The following MACROD2 variants were observed in gnomAD, a reference collection of about 807,000 sequenced individuals.
The protein encoded by MACROD2 is mono-ADP ribosylhydrolase 2.
In MACROD2, 36 loss-of-function variants were observed where a neutral mutation model predicts 70.4. The ratio of observed to expected loss-of-function variants is 0.51; its 90% confidence interval spans 0.39 to 0.68. The LOEUF is 0.68. Ranked by LOEUF, MACROD2 falls within the 30% of genes least tolerant of loss-of-function variation. The pLI, the probability that MACROD2 is intolerant of heterozygous loss-of-function variation, is 0.00. For missense variants in MACROD2, 496 were observed against 538.4 expected, an observed-to-expected ratio of 0.92 and a Z score of 0.78; for synonymous variants, 172 against 178.8, an observed-to-expected ratio of 0.96 and a Z score of 0.30.
chr20:15,790,262 T>C (rs965167309), intron 8 of MACROD2, among the ~76,000 whole-genome samples: 41 of 152,058 alleles, frequency 2.7e-4, no homozygotes, highest in African/African-American at 9.1e-4. Context: ...GAATATGTAT[T>C]TTTCAAATAA....
chr20:14,465,586 C>G (rs2084435296), intron 3 of MACROD2, among the ~76,000 whole-genome samples: 1 of 151,982 alleles, frequency 6.6e-6, no homozygotes, highest in African/African-American at 2.4e-5. Context: ...ATGATGTTAG[C>G]TGGTTATTTT....
intron 5 of MACROD2, among the ~76,000 whole-genome samples, chr20:14,868,960 G>A (rs1236676818): frequency 6.6e-6 from 1 of 152,066 alleles, no homozygotes; most frequent in Non-Finnish European, 1.5e-5. Context: ...GTAAGCCGGA[G>A]GGCACAGTGC....
chr20:14,425,839 A>C (rs1052394147), intron 3 of MACROD2, among the ~76,000 whole-genome samples: 3 of 152,120 alleles, frequency 2.0e-5, no homozygotes, highest in Non-Finnish European at 2.9e-5. Context: ...GGTGACACTC[A>C]TCCCTCTGTA....
chr20:14,577,441 A>G (rs1262126745), intron 4 of MACROD2, among the ~76,000 whole-genome samples: 1 of 152,142 alleles, frequency 6.6e-6, no homozygotes, highest in Non-Finnish European at 1.5e-5. Flanking sequence ...CTTTTCATCT[A>G]AGCTTTATAA....
intron 5 of MACROD2, among the ~76,000 whole-genome samples, chr20:15,076,967 A>G (rs1177584521): frequency 6.6e-6 from 1 of 152,184 alleles, no homozygotes. Flanking sequence ...TTACTTCATA[A>G]AAGTGCTTTA....
chr20:14,554,882 T>C (rs183081324), intron 4 of MACROD2, among the ~76,000 whole-genome samples: 10 of 152,258 alleles, frequency 6.6e-5, no homozygotes, highest in Admixed American at 5.2e-4. Context: ...TAAATTTTTA[T>C]ATTTACTCAT....
chr20:16,039,624 T>A (rs2067280960), intron 15 of MACROD2, among the ~76,000 whole-genome samples: 1 of 152,022 alleles, frequency 6.6e-6, no homozygotes, highest in Non-Finnish European at 1.5e-5. Flanking sequence ...TAGCAAAGTT[T>A]TCCTGCTCGC....
intron 5 of MACROD2, among the ~76,000 whole-genome samples, chr20:14,714,316 C>T (rs1172373481): frequency 1.3e-5 from 2 of 152,116 alleles, no homozygotes; most frequent in African/African-American, 2.4e-5. Flanking sequence ...ATGTGCACCT[C>T]TCACCACCCA....
chr20:14,603,098 C>T (rs1336537065), intron 4 of MACROD2, among the ~76,000 whole-genome samples: 2 of 152,182 alleles, frequency 1.3e-5, no homozygotes, highest in East Asian at 3.8e-4. Context: ...GATTAGTTTG[C>T]ACCATATAGT....
At chr20:15,865,894 G>C (rs906201759) in intron 9 of MACROD2, among the ~76,000 whole-genome samples, 1 of 152,118 alleles carries the variant, frequency 6.6e-6, no homozygotes, top group African/African-American at 2.4e-5. Flanking sequence ...GTTGTGGATT[G>C]GCTAGTTTAA....
intron 8 of MACROD2, among the ~76,000 whole-genome samples, chr20:15,555,630 A>C (rs577711937): frequency 6.6e-6 from 1 of 152,042 alleles, no homozygotes; most frequent in South Asian, 2.1e-4. Flanking sequence ...TTATCTAAAA[A>C]ATGACATTAG....
At chr20:15,477,137 G>A (rs914808860) in intron 7 of MACROD2, among the ~76,000 whole-genome samples, 1 of 115,718 alleles carries the variant, frequency 8.6e-6, no homozygotes, top group African/African-American at 3.5e-5. Flanking sequence ...GCCTCACTCT[G>A]TCACCCGTGC....
intron 4 of MACROD2, among the ~76,000 whole-genome samples, chr20:14,559,717 A>G (rs1174406711): frequency 2.0e-5 from 3 of 151,816 alleles, no homozygotes; most frequent in East Asian, 3.9e-4. Flanking sequence ...AAATCATTTT[A>G]GGGCTGACCT....
chr20:14,073,000 C>G lies in MACROD2; in HGVS notation c.164-12621C>G, dbSNP rs565466137. Among the ~76,000 whole-genome samples, 7 of 150,534 alleles carry G rather than the reference C, an allele frequency of 4.7e-5. No homozygotes were observed. In the East Asian group the frequency reaches 1.4e-3, roughly 29 times the overall value. ...CAAATATTAAGAACATGCATTAGAA[C>G]TAAATAAAAATGTCTATGAGAGGGA... On this transcript the variant is annotated intron_variant, in intron 2 of 17. Coordinates refer to ENST00000684519, the MANE Select transcript of MACROD2 (RefSeq NM_001351661.2).
intron 8 of MACROD2, among the ~76,000 whole-genome samples, chr20:15,588,977 T>C (rs1372910229): frequency 2.0e-5 from 3 of 152,136 alleles, no homozygotes; most frequent in Non-Finnish European, 2.9e-5. Context: ...TAGTTCCAAT[T>C]TACTGTATTA....
intron 8 of MACROD2, among the ~76,000 whole-genome samples, chr20:15,577,602 C>A (rs2146639803): frequency 6.6e-6 from 1 of 152,132 alleles, no homozygotes; most frequent in East Asian, 1.9e-4. Context: ...CAACTCTTGT[C>A]TTTCTTCTCC....
chr20:15,118,855 G>A (rs1421844966), intron 5 of MACROD2, among the ~76,000 whole-genome samples: 2 of 152,172 alleles, frequency 1.3e-5, no homozygotes, highest in Admixed American at 1.3e-4. Flanking sequence ...GCCACTTCCA[G>A]AGAGAATTTG....
chr20:14,004,027 T>C (rs1244662640), intron 2 of MACROD2, among the ~76,000 whole-genome samples: 6 of 152,218 alleles, frequency 3.9e-5, no homozygotes, highest in African/African-American at 1.4e-4. Flanking sequence ...GTATCCCTTA[T>C]CCAAAATGCA....
intron 15 of MACROD2, among the ~76,000 whole-genome samples, chr20:16,017,120 A>G (rs554245528): frequency 6.6e-6 from 1 of 152,286 alleles, no homozygotes; most frequent in East Asian, 1.9e-4. Flanking sequence ...ATCTTGAACC[A>G]CTGCCCTCTT....
Sources: gnomAD v4.1 joint callset for allele counts (sites outside exome capture counted in the v4.1 genomes callset) on GRCh38, gnomAD v4.1.1 for gene constraint, MANE v1.5 for transcripts, NCBI Gene and HGNC (gene_info 2026-07-23, HGNC 2026-07-21) for gene names.